WASHC3: variants seen among roughly 807,000 people sequenced by gnomAD.
WASHC3 encodes the protein WASH complex subunit CCDC53.
Under a neutral mutation model 26.1 loss-of-function variants are expected in WASHC3, and 24 were observed. The observed-to-expected ratio is 0.92, with a 90% CI of 0.66 to 1.29. The LOEUF is 1.29. WASHC3 is among the 50% of genes most tolerant of loss of function. The pLI is 0.00. For synonymous variants in WASHC3, 77 were observed against 75.7 expected (o/e 1.02, Z -0.09); for missense variants, 214 against 229.6 (o/e 0.93, Z 0.44).
intron 3 of WASHC3, among the ~76,000 whole-genome samples, chr12:102,044,781 CAAAAAAATGGGCAT>C (rs1275342252): frequency 6.6e-6 from 1 of 151,826 alleles, no homozygotes; most frequent in East Asian, 1.9e-4. Flanking sequence ...TTCTTCTATG[CAAAAAAATGGGCAT>C]ATTGTTGGTA....
chr12:102,044,623 T>C (rs1241382119), intron 3 of WASHC3, among the ~76,000 whole-genome samples: 1 of 152,110 alleles, frequency 6.6e-6, no homozygotes, highest in Non-Finnish European at 1.5e-5. Context: ...CTATTGATAA[T>C]ACTTCGAAAA....
At chr12:102,051,150 G>C (rs756317473) in intron 2 of WASHC3, among the ~76,000 whole-genome samples, 7 of 152,212 alleles carry the variant, frequency 4.6e-5, no homozygotes, top group Non-Finnish European at 7.3e-5. Flanking sequence ...CTTAATTCTG[G>C]CTTGAGGGTT....
intron 6 of WASHC3, among the ~76,000 whole-genome samples, chr12:102,025,147 C>T (rs1877121326): frequency 1.3e-5 from 2 of 152,010 alleles, no homozygotes; most frequent in Non-Finnish European, 2.9e-5. Flanking sequence ...AAGAAAAATT[C>T]CAAAGTATAC....
intron 6 of WASHC3, among the ~76,000 whole-genome samples, chr12:102,022,301 A>C (rs1172719340): frequency 6.6e-6 from 1 of 152,230 alleles, no homozygotes; most frequent in East Asian, 1.9e-4. Context: ...ACAAGTTATG[A>C]TCCAAAAGCC....
intron 6 of WASHC3, among the ~76,000 whole-genome samples, chr12:102,019,045 C>T (rs1395554693): frequency 2.6e-5 from 4 of 151,970 alleles, no homozygotes; most frequent in Non-Finnish European, 5.9e-5. Flanking sequence ...GTGATCTGCT[C>T]GCCTCAGCCT....
intron 2 of WASHC3, among the ~76,000 whole-genome samples, chr12:102,060,684 G>C (rs1016171515): frequency 1.3e-5 from 2 of 152,118 alleles, no homozygotes; most frequent in African/African-American, 4.8e-5. Context: ...AGCCGGGCGC[G>C]GTGGCTCACG....
intron 3 of WASHC3, 48 bp downstream of exon 3, chr12:102,046,006 G>C (rs375557773): frequency 1.9e-6 from 2 of 1,033,132 alleles, no homozygotes; most frequent in Non-Finnish European, 2.9e-6. Flanking sequence ...AAGAAAGCTG[G>C]TATATGCACA....
In WASHC3 at chr12:102,046,096, A is replaced by G. The variant is rs1243779026; in HGVS notation, c.174T>C (p.Arg58=). The G allele has an allele frequency of 3.1e-6, 5 of 1,597,308 alleles. No individual in the cohort carries two copies. The East Asian group carries it at 9.0e-5, about 29-fold the overall frequency. Residue 58 remains arginine, a synonymous_variant, in exon 3 of 7, where the codon CGT becomes CGC. Transcript: ENST00000240079. ...CEEKLADLSL[R]IQQIETTLNI... Reference sequence around the variant, plus strand: ...TGAGAGTTGTTTCAATTTGTTGGATACGAAGTGAAAGGTCTGCCAGTTTCT... The same window carrying G: ...TGAGAGTTGTTTCAATTTGTTGGATGCGAAGTGAAAGGTCTGCCAGTTTCT...
chr12:102,043,118 C>G (rs1878008334), intron 4 of WASHC3, among the ~76,000 whole-genome samples: 1 of 152,094 alleles, frequency 6.6e-6, no homozygotes, highest in Non-Finnish European at 1.5e-5. Context: ...ACCTAGGGGT[C>G]TTGTTAAAAT....
rs945650845 is a variant in WASHC3 at position 102,051,401 on chromosome 12, T to C, written c.151-5282A>G. Among the ~76,000 whole-genome samples, 5 of 152,228 alleles carry C rather than the reference T, an allele frequency of 3.3e-5. No homozygotes were observed. The East Asian group carries it at 9.6e-4, about 29-fold the overall frequency. ...TCAAAACACCAAAGTGACTTTACCT[T>C]GGGAGAAAATGGCACCTTACATTTG... On this transcript the variant is annotated intron_variant, in intron 2 of 6. Coordinates refer to ENST00000240079, the MANE Select transcript of WASHC3 (RefSeq NM_016053.4).
chr12:102,019,711 T>C (rs1013051893), intron 6 of WASHC3, among the ~76,000 whole-genome samples: 1 of 152,198 alleles, frequency 6.6e-6, no homozygotes, highest in African/African-American at 2.4e-5. Context: ...GTAAAATTCT[T>C]AACAAAAGCA....
intron 6 of WASHC3, among the ~76,000 whole-genome samples, chr12:102,020,572 G>A (rs1373557330): frequency 6.6e-6 from 1 of 152,150 alleles, no homozygotes; most frequent in Non-Finnish European, 1.5e-5. Flanking sequence ...ATGATAAAGA[G>A]TTTAAAAACA....
Position 102,039,984 on chromosome 12 carries a change from G to A in WASHC3, c.325-6C>T, listed in dbSNP as rs1877874605. On this transcript the variant is annotated splice_region_variant and splice_polypyrimidine_tract_variant and intron_variant, in intron 4 of 6. Transcript: ENST00000240079. Reference sequence around the variant, plus strand: ...GAGTCTTGTGTACTGTTCTGCTGTAGAGAGTATTTGGTGTAAATCTTTAGA... The same window carrying A: ...GAGTCTTGTGTACTGTTCTGCTGTAAAGAGTATTTGGTGTAAATCTTTAGA... 7.2e-7 allele frequency: 1 copy of A among 1,380,526 alleles called. No homozygotes were observed. Among genetic ancestry groups the A allele is most frequent in the Non-Finnish European group, 1.0e-6 (1 of 978,620 alleles). The allele number at this position is 1,380,526 out of a possible 1,614,324, so 85.5% of individuals were successfully genotyped here.
chr12:102,056,157 C>T (rs891570119), intron 2 of WASHC3, among the ~76,000 whole-genome samples: 1 of 152,174 alleles, frequency 6.6e-6, no homozygotes, highest in Non-Finnish European at 1.5e-5. Flanking sequence ...TTTATTTTTA[C>T]AGTCTACTCT....
intron 2 of WASHC3, among the ~76,000 whole-genome samples, chr12:102,058,073 A>G (rs945851298): frequency 1.3e-5 from 2 of 152,132 alleles, no homozygotes; most frequent in Non-Finnish European, 2.9e-5. Context: ...GAGCCCAGAA[A>G]TAAATCCATG....
chr12:102,018,099 A>C (rs1876788056), intron 6 of WASHC3, among the ~76,000 whole-genome samples: 1 of 152,218 alleles, frequency 6.6e-6, no homozygotes. Context: ...ATTTAGTACA[A>C]TGTCCTAAAA....
chr12:102,043,275 AT>A (rs1483337348), intron 4 of WASHC3, among the ~76,000 whole-genome samples: 2 of 151,924 alleles, frequency 1.3e-5, no homozygotes, highest in Non-Finnish European at 2.9e-5. Flanking sequence ...TTATTTATTT[AT>A]TTTTTATTTT....
At chr12:102,036,752 G>A (rs1877680576) in intron 5 of WASHC3, among the ~76,000 whole-genome samples, 1 of 152,108 alleles carries the variant, frequency 6.6e-6, no homozygotes, top group African/African-American at 2.4e-5. Flanking sequence ...TTAGGAAATA[G>A]ATATACCCTC....
chr12:102,050,282 G>A (rs1038239794), intron 2 of WASHC3: 4 of 454,188 alleles, frequency 8.8e-6, no homozygotes, highest in Non-Finnish European at 1.8e-5. Flanking sequence ...GTGACAAAGT[G>A]AGACCCTGTC....
Sources: gnomAD v4.1 joint callset for allele counts (sites outside exome capture counted in the v4.1 genomes callset) on GRCh38, gnomAD v4.1.1 for gene constraint, MANE v1.5 for transcripts, NCBI Gene and HGNC (gene_info 2026-07-23, HGNC 2026-07-21) for gene names.